The following MYO16 variants were observed in gnomAD, a reference collection of about 807,000 sequenced individuals.
MYO16 encodes myosin XVI.
Under a neutral mutation model 205.3 loss-of-function variants are expected in MYO16, and 94 were observed. The observed-to-expected ratio is 0.46, with a 90% confidence interval of 0.39 to 0.54. The LOEUF (loss-of-function observed/expected upper bound fraction) is 0.54. Among genes scored for constraint, MYO16 ranks in the 20% least tolerant of loss-of-function variants. The pLI is 0.00. For missense variants in MYO16, 2,315 were observed against 2,387.5 expected, an observed-to-expected ratio of 0.97 and a Z score of 0.63; for synonymous variants, 988 against 954.0, an observed-to-expected ratio of 1.04 and a Z score of -0.66.
intron 4 of MYO16, among the ~76,000 whole-genome samples, chr13:108,734,503 T>G (rs748465564): frequency 6.6e-6 from 1 of 152,184 alleles, no homozygotes; most frequent in Non-Finnish European, 1.5e-5. Context: ...TCCCCACCTA[T>G]GTTGGACAGA....
chr13:108,662,771 C>A (rs866173453), intron 1 of MYO16, among the ~76,000 whole-genome samples: 1 of 152,146 alleles, frequency 6.6e-6, no homozygotes, highest in East Asian at 1.9e-4. Context: ...TTCACACCCT[C>A]CCCCGAGTTC....
intron 4 of MYO16, among the ~76,000 whole-genome samples, chr13:108,766,145 T>C (rs1264908993): frequency 6.6e-6 from 1 of 152,218 alleles, no homozygotes; most frequent in Non-Finnish European, 1.5e-5. Flanking sequence ...GGATACTGTG[T>C]GCTTCTAGTT....
chr13:108,509,473 C>T, the MYO16 span, among the ~76,000 whole-genome samples: 8 of 152,150 alleles, frequency 5.3e-5, no homozygotes, highest in South Asian at 8.3e-4. Flanking sequence ...ATTGTGTATA[C>T]ATGTATGTGT....
At chr13:108,502,434 T>TA in the MYO16 span, among the ~76,000 whole-genome samples, 534 of 152,300 alleles carry the variant, frequency 3.5e-3, 3 homozygotes, top group African/African-American at 0.012. Context: ...TATTTTTGGT[T>TA]AAAAATGCTT....
At chr13:108,590,046 A>G in the MYO16 span, among the ~76,000 whole-genome samples, 1 of 152,210 alleles carries the variant, frequency 6.6e-6, no homozygotes, top group Non-Finnish European at 1.5e-5. Context: ...TTCATAATCC[A>G]TATTATACTG....
At chr13:108,578,795 T>C in the MYO16 span, among the ~76,000 whole-genome samples, 4 of 152,068 alleles carry the variant, frequency 2.6e-5, no homozygotes, top group Admixed American at 6.6e-5. Flanking sequence ...ATTGGTCTTG[T>C]GGTGTGTTCA....
chr13:108,767,562 C>G (rs1885822069), intron 4 of MYO16, among the ~76,000 whole-genome samples: 3 of 152,250 alleles, frequency 2.0e-5, no homozygotes, highest in African/African-American at 7.2e-5. Context: ...ATGGTTGGGT[C>G]TCAGTATTCT....
intron 8 of MYO16, among the ~76,000 whole-genome samples, chr13:108,821,767 C>T (rs1391664132): frequency 1.3e-5 from 2 of 152,138 alleles, no homozygotes; most frequent in Admixed American, 1.3e-4. Context: ...CTGGTCTAGA[C>T]TCAGCACTGG....
intron 20 of MYO16, among the ~76,000 whole-genome samples, chr13:108,971,942 T>C: frequency 6.6e-6 from 1 of 151,804 alleles, no homozygotes; most frequent in Non-Finnish European, 1.5e-5. Flanking sequence ...GGCTCATGCC[T>C]GTAATCCCAG....
At chr13:108,956,004 T>G (rs1332198713) in intron 16 of MYO16, among the ~76,000 whole-genome samples, 1 of 152,204 alleles carries the variant, frequency 6.6e-6, no homozygotes, top group Non-Finnish European at 1.5e-5. Flanking sequence ...CTCCCATGGT[T>G]TTAGCCTTCT....
At position 108,658,127 on chromosome 13, in the gene MYO16, G is replaced by A. The variant is rs1047847836; in HGVS notation, c.29-7759G>A. On this transcript the variant is annotated intron_variant, in intron 1 of 34. Transcript: ENST00000457511. ...TAATTTTCTTCTTTTTCTATTGTACGAAAGAACTGGATGAAAATGCAGGTT... is the reference window on the plus strand; with the variant it reads ...TAATTTTCTTCTTTTTCTATTGTACAAAAGAACTGGATGAAAATGCAGGTT... Among the ~76,000 whole-genome samples the A allele has an allele frequency of 4.6e-5, 7 of 152,010 alleles. No individual in the cohort carries two copies. In the East Asian group the frequency reaches 5.8e-4, roughly 13 times the overall value.
chr13:108,852,963 T>C (rs1877961194), intron 10 of MYO16, among the ~76,000 whole-genome samples: 1 of 152,184 alleles, frequency 6.6e-6, no homozygotes, highest in Admixed American at 6.5e-5. Flanking sequence ...TACAAATAAT[T>C]GATGTTTCAG....
intron 24 of MYO16, chr13:109,048,269 C>T: frequency 1.6e-6 from 1 of 634,942 alleles, no homozygotes; most frequent in Non-Finnish European, 2.9e-6. Context: ...TAAAATCATT[C>T]TTTTATGTAA....
intron 34 of MYO16, among the ~76,000 whole-genome samples, chr13:109,202,245 G>A (rs1176641088): frequency 1.3e-5 from 2 of 152,056 alleles, no homozygotes; most frequent in African/African-American, 4.8e-5. Flanking sequence ...GAGTCAAATG[G>A]TAATTCTACT....
Position 109,141,045 on chromosome 13 carries a change from C to A in MYO16, c.4833C>A (p.Pro1611=), listed in dbSNP as rs775151531. The change falls in exon 32 of 35, where the codon CCC becomes CCA. Residue 1611 remains proline, a synonymous_variant. Coordinates refer to ENST00000457511, the MANE Select transcript of MYO16 (RefSeq NM_001198950.3). The surrounding 1 kb of genome is among the most constrained non-coding windows in gnomAD (Gnocchi z 4.1). The part of the protein sequence containing the change: ...PPGPPPAPYR[P]CAHLAFPPEP... Reference sequence around the variant, plus strand: ...GGCCGCCCCCCGCGCCCTACAGGCCCTGCGCGCACTTGGCCTTCCCGCCGG... The same window carrying A: ...GGCCGCCCCCCGCGCCCTACAGGCCATGCGCGCACTTGGCCTTCCCGCCGG... The A allele has an allele frequency of 7.1e-7, 1 of 1,410,746 alleles. No homozygotes were observed. The highest frequency in any genetic ancestry group is 9.2e-7 in the Non-Finnish European group (1 of 1,086,980). 87.4% of individuals were successfully genotyped at this position (1,410,746 alleles called of 1,614,324 possible). A position where few individuals can be genotyped will look rare whatever the true frequency, so the allele number is the denominator to read the frequency against.
At position 109,055,222 on chromosome 13, in the gene MYO16, A is replaced by G. The variant is rs968496070; in HGVS notation, c.3129+96A>G. On this transcript the variant is annotated intron_variant, in intron 26 of 34. Transcript: ENST00000457511. This position sits in a 1 kb window ranked among gnomAD's most constrained non-coding sequence, Gnocchi z 5.0. ...TTTTTTTCCATTTTTGACAACTTAA[A>G]TATCTTCACAAAAAAAGTAAACATA... The G allele has an allele frequency of 4.6e-6, 5 of 1,096,084 alleles. No individual in the cohort carries two copies. The highest frequency in any genetic ancestry group is 2.4e-5 in the East Asian group (1 of 40,992). The allele number at this position is 1,096,084 out of a possible 1,614,324, so 67.9% of individuals were successfully genotyped here. A position where few individuals can be genotyped will look rare whatever the true frequency, so the allele number is the denominator to read the frequency against.
intron 33 of MYO16, among the ~76,000 whole-genome samples, chr13:109,178,985 T>C (rs1879339130): frequency 6.6e-6 from 1 of 152,200 alleles, no homozygotes; most frequent in Non-Finnish European, 1.5e-5. Flanking sequence ...CATGAATTGG[T>C]GTGTTGTGAA....
chr13:108,897,359 A>G (rs1183917163), intron 14 of MYO16, among the ~76,000 whole-genome samples: 1 of 152,182 alleles, frequency 6.6e-6, no homozygotes, highest in Non-Finnish European at 1.5e-5. Flanking sequence ...TGGCCTGAGG[A>G]GCTTTATCAT....
At chr13:109,065,556 A>C (rs1465721128) in intron 27 of MYO16, 1 of 471,928 alleles carries the variant, frequency 2.1e-6, no homozygotes, top group Non-Finnish European at 4.1e-6. Context: ...GAAAATTTAA[A>C]AAACTGCTTT....
Sources: allele counts gnomAD v4.1 joint callset (sites outside exome capture counted in the v4.1 genomes callset), GRCh38; gene constraint gnomAD v4.1.1; non-coding constraint Gnocchi (gnomAD v3.1); transcripts MANE v1.5; gene names NCBI Gene and HGNC (gene_info 2026-07-23, HGNC 2026-07-21).